MAGEB1: variants seen among roughly 807,000 people sequenced by gnomAD.
The protein encoded by MAGEB1 is MAGE family member B1.
For synonymous variants in MAGEB1, 99 were observed against 105.7 expected (o/e 0.94, Z 0.39); for missense variants, 290 against 286.7 (o/e 1.01, Z -0.08).
chrX:30,247,049 G>C (rs1925332787), upstream of MAGEB1: 1 of 111,572 alleles, frequency 9.0e-6, no homozygotes, highest in African/African-American at 3.3e-5. Flanking sequence ...AGGACCCCTA[G>C]TGGGGACGTA....
chrX:30,250,772 C>T lies in MAGEB1; in HGVS notation c.279C>T (p.Phe93=), dbSNP rs1439376185. The T allele has an allele frequency of 8.3e-7, 1 of 1,211,615 alleles. No individual in the cohort carries two copies. Among genetic ancestry groups the T allele is most frequent in the Non-Finnish European group, 1.1e-6 (1 of 895,302 alleles). The change falls in exon 2 of 2, where the codon TTC becomes TTT. Residue 93 remains phenylalanine, a synonymous_variant. Transcript: ENST00000397548. Reference sequence around the variant, plus strand: ...GCCAAGGTGAGGAAAATGCAAGTTTCTCCCAGGCCACAACATCCACTGAGA... The same window carrying T: ...GCCAAGGTGAGGAAAATGCAAGTTTTTCCCAGGCCACAACATCCACTGAGA... ...AKCQGEENAS[F]SQATTSTESS...
At chrX:30,245,141 C>A (rs1479611780), upstream of MAGEB1, among the ~76,000 whole-genome samples, 2 of 111,788 alleles carry the variant, frequency 1.8e-5, no homozygotes, top group Admixed American at 1.9e-4. Flanking sequence ...GAGTTGCTTT[C>A]AGCTGAGAAA....
chrX:30,244,606 C>T (rs1925249369), upstream of MAGEB1, among the ~76,000 whole-genome samples: 1 of 111,782 alleles, frequency 8.9e-6, no homozygotes, highest in Non-Finnish European at 1.9e-5. Context: ...ACTGAGACTT[C>T]GGGAAACTGA....
upstream of MAGEB1, chrX:30,244,335 T>C (rs1008731723): frequency 4.2e-5 from 5 of 119,153 alleles, no homozygotes; most frequent in African/African-American, 1.6e-4. Flanking sequence ...CACTTACACT[T>C]CAATTGTCCA....
At chrX:30,246,212 A>G (rs1460942266), upstream of MAGEB1, 1 of 112,189 alleles carries the variant, frequency 8.9e-6, no homozygotes, top group Non-Finnish European at 1.9e-5. Flanking sequence ...CGAGGAGCAT[A>G]AATGAAGACT....
upstream of MAGEB1, among the ~76,000 whole-genome samples, chrX:30,245,607 A>G (rs1238263093): frequency 8.9e-6 from 1 of 112,058 alleles, no homozygotes; most frequent in Non-Finnish European, 1.9e-5. Context: ...TTCTTCTACA[A>G]CCCCAAAGTG....
At chrX:30,248,329 T>C (rs1225712093) in intron 1 of MAGEB1, among the ~76,000 whole-genome samples, 2 of 111,854 alleles carry the variant, frequency 1.8e-5, no homozygotes, top group Non-Finnish European at 3.8e-5. Context: ...ATAGGAGTCA[T>C]ACGCCAAGAC....
At chrX:30,248,403 A>G (rs1387275068) in intron 1 of MAGEB1, among the ~76,000 whole-genome samples, 1 of 112,428 alleles carries the variant, frequency 8.9e-6, no homozygotes, top group African/African-American at 3.2e-5. Flanking sequence ...ACAGGCAGGA[A>G]CACAGTCTTA....
upstream of MAGEB1, chrX:30,247,113 A>C (rs1010526987): frequency 8.2e-5 from 9 of 110,133 alleles, no homozygotes; most frequent in African/African-American, 3.0e-4. Context: ...CCCTGCCGTC[A>C]GCCCGGAGGC....
upstream of MAGEB1, chrX:30,247,136 G>A (rs1035171589): frequency 9.2e-6 from 1 of 109,061 alleles, no homozygotes; most frequent in Non-Finnish European, 1.9e-5. Flanking sequence ...CGGGCTGCCG[G>A]ATGTGGCTCA....
At chrX:30,245,130 T>G, upstream of MAGEB1, among the ~76,000 whole-genome samples, 1 of 112,118 alleles carries the variant, frequency 8.9e-6, no homozygotes, top group Non-Finnish European at 1.9e-5. Context: ...CTAGAAGGTT[T>G]GAGTTGCTTT....
chrX:30,247,946 GAAAA>G (rs57368527), intron 1 of MAGEB1, among the ~76,000 whole-genome samples: 37 of 45,935 alleles, frequency 8.1e-4, no homozygotes, highest in South Asian at 5.0e-3. Flanking sequence ...TCAGTCTCAA[GAAAA>G]AAAAAAAAAA....
intron 1 of MAGEB1, 98 bp from the exon 2 acceptor site, chrX:30,250,336 C>T (rs1925467148): frequency 2.1e-6 from 1 of 476,267 alleles, no homozygotes; most frequent in Non-Finnish European, 3.5e-6. Flanking sequence ...GTTCCTAGAG[C>T]AATGCCCTCA....
chrX:30,246,947 C>T (rs938090350), upstream of MAGEB1, among the ~76,000 whole-genome samples: 2 of 112,648 alleles, frequency 1.8e-5, no homozygotes, highest in African/African-American at 3.2e-5. Flanking sequence ...CAGATTTCCA[C>T]CTTGGGGGCT....
intron 1 of MAGEB1, among the ~76,000 whole-genome samples, chrX:30,249,333 C>T (rs1289438560): frequency 9.0e-6 from 1 of 111,402 alleles, no homozygotes; most frequent in Non-Finnish European, 1.9e-5. Context: ...AGAGGATTTC[C>T]AGGTTGTGCC....
At chrX:30,247,987 G>C (rs745926673) in intron 1 of MAGEB1, among the ~76,000 whole-genome samples, 40 of 103,931 alleles carry the variant, frequency 3.8e-4, no homozygotes, top group African/African-American at 1.3e-3. Context: ...TCCTGCTGTC[G>C]GCACACGCAG....
In MAGEB1 at chrX:30,251,692, A is replaced by G; in HGVS notation, c.*155A>G. The G allele has an allele frequency of 2.1e-6, 1 of 482,392 alleles. No homozygotes were observed. The highest frequency in any genetic ancestry group is 3.4e-6 in the Non-Finnish European group (1 of 290,639). The allele number at this position is 482,392 out of a possible 1,213,427, so 39.8% of individuals were successfully genotyped here. A position where few individuals can be genotyped will look rare whatever the true frequency, so the allele number is the denominator to read the frequency against. On this transcript the variant is annotated 3_prime_UTR_variant, in exon 2 of 2. Coordinates refer to ENST00000397548, the MANE Select transcript of MAGEB1 (RefSeq NM_177404.3). ...TTTCAAGTGTTTTTCTTTTAATAGA[A>G]TGTTTATTTAGAGTTGGGATCTATG... is the stretch of plus-strand genomic sequence containing the variant.
chrX:30,248,956 T>A (rs923398701), intron 1 of MAGEB1, among the ~76,000 whole-genome samples: 2 of 110,905 alleles, frequency 1.8e-5, no homozygotes, highest in African/African-American at 6.6e-5. Flanking sequence ...AGGCGTTAGA[T>A]CAAGACAGAG....
intron 1 of MAGEB1, among the ~76,000 whole-genome samples, chrX:30,250,082 G>A (rs766101673): frequency 7.2e-5 from 8 of 111,561 alleles, no homozygotes; most frequent in Non-Finnish European, 1.3e-4. Flanking sequence ...CTGCCATCCC[G>A]CCCAGCCCCC....
Sources: allele counts gnomAD v4.1 joint callset (sites outside exome capture counted in the v4.1 genomes callset), GRCh38; gene constraint gnomAD v4.1.1; transcripts MANE v1.5; gene names NCBI Gene and HGNC (gene_info 2026-07-23, HGNC 2026-07-21).